CASK: variants seen among roughly 807,000 people sequenced by gnomAD.
CASK encodes peripheral plasma membrane protein CASK.
In CASK, 4 loss-of-function variants were observed where a neutral mutation model predicts 82.9. The ratio of observed to expected loss-of-function variants is 0.05; its 90% CI spans 0.02 to 0.11. The LOEUF is 0.11. Among genes scored for constraint, CASK ranks in the 10% least tolerant of loss-of-function variants. The pLI is 1.00. For synonymous variants in CASK, 259 were observed against 253.5 expected, an observed-to-expected ratio of 1.02 and a Z score of -0.20; for missense variants, 358 against 720.9, an observed-to-expected ratio of 0.50 and a Z score of 5.76.
At chrX:41,617,754 A>C (rs1569344069) in intron 11 of CASK, among the ~76,000 whole-genome samples, 1 of 112,515 alleles carries the variant, frequency 8.9e-6, no homozygotes, top group East Asian at 2.8e-4. Flanking sequence ...TATTTGTTTT[A>C]GATTTTAAAC....
At position 41,747,559 on chromosome X, in the gene CASK, C is replaced by T. The variant is rs758813366; in HGVS notation, c.279-1958G>A. 8.6e-3 allele frequency among the ~76,000 whole-genome samples: 962 copies of T among 111,663 alleles called. 14 individuals carry two copies. Among genetic ancestry groups the T allele is most frequent in the African/African-American group, 0.03 (926 of 30,699 alleles). On this transcript the variant is annotated intron_variant, in intron 3 of 26. Transcript: ENST00000378163. ...GTTCATGCCATTCTCCTGCCCCAGCCTCCCAAGTAGCTGGCACTACAGGCG... is the reference window on the plus strand; with the variant it reads ...GTTCATGCCATTCTCCTGCCCCAGCTTCCCAAGTAGCTGGCACTACAGGCG...
intron 11 of CASK, among the ~76,000 whole-genome samples, chrX:41,613,051 G>C (rs1410183370): frequency 9.5e-6 from 1 of 105,562 alleles, no homozygotes; most frequent in Non-Finnish European, 2.0e-5. Flanking sequence ...CGTCTGGGAG[G>C]TGAGGGGCGC....
At position 41,873,730 on chromosome X, in the gene CASK, T is replaced by G. The variant is rs2071751268; in HGVS notation, c.60-20503A>C. Among the ~76,000 whole-genome samples the G allele has an allele frequency of 3.6e-5, 4 of 110,415 alleles. No homozygotes were observed. The Admixed American group carries it at 3.9e-4, about 11-fold the overall frequency. The stretch of plus-strand genomic sequence containing the variant: ...TACAATACACAATGCAGAGTTACTG[T>G]GCTTAATGAGATTGTATTAGGTTAG... On this transcript the variant is annotated intron_variant, in intron 1 of 26. Transcript: ENST00000378163.
chrX:41,663,543 T>C (rs1177616100), intron 7 of CASK, among the ~76,000 whole-genome samples: 1 of 112,426 alleles, frequency 8.9e-6, no homozygotes, highest in African/African-American at 3.2e-5. Flanking sequence ...CTAAGTCTTT[T>C]TACCAAGAAA....
chrX:41,631,646 T>C (rs1213396840), intron 9 of CASK, among the ~76,000 whole-genome samples: 2 of 109,845 alleles, frequency 1.8e-5, no homozygotes, highest in African/African-American at 6.6e-5. Flanking sequence ...TTTTGTATTT[T>C]TTTTAGTAGA....
In CASK at chrX:41,534,691, T is replaced by C. The variant is rs374791267; in HGVS notation, c.2317+15A>G. Reference sequence around the variant, plus strand: ...TAGGAAAAATATAATGAAAAGAGATTGAGACATTGCTTACGTGGAATAGGG... The same window carrying C: ...TAGGAAAAATATAATGAAAAGAGATCGAGACATTGCTTACGTGGAATAGGG... On this transcript the variant is annotated intron_variant, in intron 24 of 26. Transcript: ENST00000378163. 8.6e-7 allele frequency: 1 copy of C among 1,156,563 alleles called. No individual in the cohort carries two copies. The highest frequency in any genetic ancestry group is 1.2e-6 in the Non-Finnish European group (1 of 845,426).
chrX:41,916,210 T>C (rs766754959), intron 1 of CASK, among the ~76,000 whole-genome samples: 11 of 112,750 alleles, frequency 9.8e-5, no homozygotes, highest in African/African-American at 3.5e-4. Context: ...ACGTGCATCA[T>C]TACTTTTATA....
chrX:41,770,295 TCTACCTAC>T (rs199881249), intron 3 of CASK, among the ~76,000 whole-genome samples: 1 of 93,114 alleles, frequency 1.1e-5, no homozygotes, highest in Non-Finnish European at 2.2e-5. Context: ...TATCTATCTA[TCTACCTAC>T]CTACCTACCT....
intron 2 of CASK, among the ~76,000 whole-genome samples, chrX:41,827,791 TA>T (rs2070697574): frequency 8.9e-6 from 1 of 112,231 alleles, no homozygotes; most frequent in African/African-American, 3.2e-5. Context: ...GTTTTAACAC[TA>T]TTAAAAGAAG....
rs138459759 is a variant in CASK at position 41,784,941 on chromosome X, T to C, written c.278+2237A>G. 7.6e-3 allele frequency among the ~76,000 whole-genome samples: 809 copies of C among 107,061 alleles called. 10 individuals are homozygous for C. Among genetic ancestry groups the C allele is most frequent in the African/African-American group, 0.026 (772 of 29,653 alleles). The allele number at this position is 107,061 out of a possible 115,157, so 93.0% of individuals were successfully genotyped here. A position where few individuals can be genotyped will look rare whatever the true frequency, so the allele number is the denominator to read the frequency against. On this transcript the variant is annotated intron_variant, in intron 3 of 26. Coordinates refer to ENST00000378163, the MANE Select transcript of CASK (RefSeq NM_001367721.1). ...GATACTGAGAATTATATTCTCACAA[T>C]AAAAGTTTTTATATATCAACCTAAA... is the stretch of plus-strand genomic sequence containing the variant.
intron 1 of CASK, among the ~76,000 whole-genome samples, chrX:41,854,224 G>GCGCGCGCACACA (rs1367817089): frequency 1.2e-5 from 1 of 81,718 alleles, no homozygotes; most frequent in African/African-American, 4.6e-5. Flanking sequence ...GCGGGCGCGC[G>GCGCGCGCACACA]CACACACACA....
chrX:41,894,428 A>G (rs2072233638), intron 1 of CASK, among the ~76,000 whole-genome samples: 1 of 110,804 alleles, frequency 9.0e-6, no homozygotes. Context: ...TTTGTTATTC[A>G]TAATTAAAAA....
chrX:41,903,673 GT>G (rs1374684317), intron 1 of CASK, among the ~76,000 whole-genome samples: 4 of 111,153 alleles, frequency 3.6e-5, no homozygotes, highest in African/African-American at 9.8e-5. Flanking sequence ...CACTCCCTGT[GT>G]TTTTTAGACT....
At chrX:41,909,169 G>C (rs2072519171) in intron 1 of CASK, among the ~76,000 whole-genome samples, 2 of 111,847 alleles carry the variant, frequency 1.8e-5, no homozygotes, top group Non-Finnish European at 3.8e-5. Context: ...CTAAGAATCT[G>C]CATTTCTAAT....
At chrX:41,665,147 A>G (rs907536871) in intron 7 of CASK, 130 bp downstream of exon 7, 1 of 559,679 alleles carries the variant, frequency 1.8e-6, no homozygotes, top group African/African-American at 2.3e-5. Flanking sequence ...GATGTAAGCA[A>G]AGACCTTTTC....
intron 5 of CASK, among the ~76,000 whole-genome samples, chrX:41,677,498 G>C (rs62587056): frequency 0.12 from 13,149 of 111,535 alleles, 747 homozygotes; most frequent in Middle Eastern, 0.18. Context: ...TGTTACAAAG[G>C]TCATTTAAAA....
chrX:41,522,872 A>G (rs1052913669), intron 26 of CASK: 3 of 112,756 alleles, frequency 2.7e-5, no homozygotes, highest in African/African-American at 9.7e-5. Flanking sequence ...GCAGGGTTTA[A>G]CTCAGTGAAA....
At chrX:41,760,360 CTAAT>C (rs1349493737) in intron 3 of CASK, among the ~76,000 whole-genome samples, 4 of 111,781 alleles carry the variant, frequency 3.6e-5, no homozygotes, top group African/African-American at 1.3e-4. Context: ...AGGTTAGTAA[CTAAT>C]TAATAGCAGA....
At chrX:41,622,907 G>T (rs1414415305) in intron 10 of CASK, among the ~76,000 whole-genome samples, 1 of 104,955 alleles carries the variant, frequency 9.5e-6, no homozygotes, top group African/African-American at 3.5e-5. Context: ...TTGAGATGGG[G>T]TCTCACTCTA....
Sources: gnomAD v4.1 joint callset for allele counts (sites outside exome capture counted in the v4.1 genomes callset) on GRCh38, gnomAD v4.1.1 for gene constraint, MANE v1.5 for transcripts, NCBI Gene and HGNC (gene_info 2026-07-23, HGNC 2026-07-21) for gene names.